Variants in PAH observed in about 807,000 individuals in gnomAD.
PAH encodes the protein phenylalanine hydroxylase.
PAH carries 64 observed loss-of-function variants against 62.0 expected under a neutral mutation model. The ratio of observed to expected loss-of-function variants is 1.03; its 90% CI spans 0.84 to 1.27. The LOEUF (loss-of-function observed/expected upper bound fraction) is 1.27. PAH is among the 50% of genes most tolerant of loss of function. The pLI is 0.00. For missense variants in PAH, 579 were observed against 542.8 expected (o/e 1.07, Z -0.66); for synonymous variants, 195 against 196.2 (o/e 0.99, Z 0.05).
At chr12:102,922,101 T>G (rs984302699), upstream of PAH, among the ~76,000 whole-genome samples, 1 of 152,152 alleles carries the variant, frequency 6.6e-6, no homozygotes, top group Non-Finnish European at 1.5e-5. Flanking sequence ...CTAGAGATCT[T>G]TAAGCAAATA....
At chr12:102,897,802 G>T (rs186505337) in intron 2 of PAH, among the ~76,000 whole-genome samples, 1 of 152,220 alleles carries the variant, frequency 6.6e-6, no homozygotes, top group African/African-American at 2.4e-5. Flanking sequence ...TAAATAAGAA[G>T]CACAAGGTGG....
intron 1 of PAH, among the ~76,000 whole-genome samples, chr12:102,928,291 T>G (rs1158512531): frequency 1.3e-5 from 2 of 152,232 alleles, no homozygotes; most frequent in East Asian, 3.8e-4. Flanking sequence ...TTATCCTTTC[T>G]TTGTGTTACA....
At chr12:102,915,329 C>T (rs1157040162) in intron 1 of PAH, 1 of 152,308 alleles carries the variant, frequency 6.6e-6, no homozygotes, top group Admixed American at 6.5e-5. Flanking sequence ...TAGTGCTCAT[C>T]TAGTTAAACT....
At chr12:102,902,291 C>G (rs983128142) in intron 2 of PAH, among the ~76,000 whole-genome samples, 3 of 152,120 alleles carry the variant, frequency 2.0e-5, no homozygotes, top group Non-Finnish European at 4.4e-5. Flanking sequence ...AGAGAAGTTA[C>G]CAGGAATAGA....
chr12:102,917,044 T>G, intron 1 of PAH, 27 bp downstream of exon 1: 1 of 1,611,622 alleles, frequency 6.2e-7, no homozygotes, highest in Non-Finnish European at 8.5e-7. Flanking sequence ...TTCCCCTAAC[T>G]GAGCAGCTCA....
At chr12:102,848,805 A>T (rs1312594568) in intron 8 of PAH, among the ~76,000 whole-genome samples, 2 of 151,110 alleles carry the variant, frequency 1.3e-5, no homozygotes, top group Non-Finnish European at 2.9e-5. Flanking sequence ...ACACCAGGAG[A>T]CTGGAGAGGC....
intron 3 of PAH, among the ~76,000 whole-genome samples, chr12:102,880,834 G>A (rs1434622477): frequency 6.6e-6 from 1 of 152,016 alleles, no homozygotes; most frequent in African/African-American, 2.4e-5. Context: ...TAAGGAAATG[G>A]AAAGTGATGG....
chr12:102,881,993 G>A (rs1876829656), intron 3 of PAH, among the ~76,000 whole-genome samples: 1 of 152,134 alleles, frequency 6.6e-6, no homozygotes, highest in African/African-American at 2.4e-5. Flanking sequence ...GAGATTTCTG[G>A]AAAGTATGGT....
intron 2 of PAH, among the ~76,000 whole-genome samples, chr12:102,897,492 T>TATATATATATATATATATA (rs1379613102): frequency 1.5e-5 from 2 of 137,462 alleles, no homozygotes; most frequent in African/African-American, 6.4e-5. Context: ...TATATATATA[T>TATATATATATATATATATA]AATTCAAACT....
At chr12:102,956,979 C>T (rs1380560187) in intron 1 of PAH, among the ~76,000 whole-genome samples, 2 of 152,196 alleles carry the variant, frequency 1.3e-5, no homozygotes, top group Non-Finnish European at 1.5e-5. Flanking sequence ...AGCCACAGAG[C>T]ATTGAGAGGA....
At chr12:102,946,732 T>C (rs1879511317) in intron 1 of PAH, 1 of 152,256 alleles carries the variant, frequency 6.6e-6, no homozygotes, top group African/African-American at 2.4e-5. Flanking sequence ...TAGCGTACTG[T>C]GATGGCTTAC....
intron 6 of PAH, 55 bp from the exon 7 acceptor site, chr12:102,853,005 A>G (rs1242709827): frequency 6.2e-7 from 1 of 1,600,268 alleles, no homozygotes; most frequent in Admixed American, 1.7e-5. Context: ...AGTCAGAGGC[A>G]CTAGGAGACC....
chr12:102,873,735 A>G (rs1876453930), intron 4 of PAH, among the ~76,000 whole-genome samples: 1 of 152,168 alleles, frequency 6.6e-6, no homozygotes. Context: ...ACCACTCACG[A>G]TAAGATAATG....
intron 3 of PAH, among the ~76,000 whole-genome samples, chr12:102,883,575 T>TCAA (rs1402885694): frequency 2.0e-5 from 3 of 152,178 alleles, no homozygotes; most frequent in African/African-American, 7.2e-5. Context: ...CTCAGAGGAT[T>TCAA]CAAGTCTTTG....
chr12:102,931,618 C>T (rs1878878611), intron 1 of PAH, among the ~76,000 whole-genome samples: 1 of 152,198 alleles, frequency 6.6e-6, no homozygotes, highest in African/African-American at 2.4e-5. Flanking sequence ...TGCAAGCTCT[C>T]CTTTCATTGC....
intron 5 of PAH, among the ~76,000 whole-genome samples, chr12:102,860,411 A>G (rs978205742): frequency 6.6e-6 from 1 of 152,238 alleles, no homozygotes; most frequent in Non-Finnish European, 1.5e-5. Flanking sequence ...CATACTGCCC[A>G]AGGTAATTTA....
rs1309333955 is a variant in PAH at position 102,957,565 on chromosome 12, G to A, written c.-96+630C>T. ...AGAGGTAAGAGGAGGGGGGGGAGTG[G>A]GGGCTGCAGCCGCTCGCTGCAGCAG... On this transcript the variant is annotated intron_variant, in intron 1 of 4. Transcript: ENST00000551337. This position sits in a 1 kb window ranked among gnomAD's most constrained non-coding sequence, Gnocchi z 4.1. The A allele has an allele frequency of 6.7e-6, 1 of 149,456 alleles. No homozygotes were observed. The highest frequency in any genetic ancestry group is 1.5e-5 in the Non-Finnish European group (1 of 67,028). 9.3% of individuals were successfully genotyped at this position (149,456 alleles called of 1,614,324 possible).
exon 1 of PAH, chr12:102,958,357 C>G: frequency 1.4e-6 from 2 of 1,428,568 alleles, no homozygotes; most frequent in Non-Finnish European, 1.8e-6. Flanking sequence ...GCCGCAGCCG[C>G]GGCGGCCGCA....
chr12:102,839,068 C>G lies in PAH; in HGVS notation c.*107G>C. The G allele has an allele frequency of 1.1e-6, 1 of 923,638 alleles. No homozygotes were observed. Among genetic ancestry groups the G allele is most frequent in the Non-Finnish European group, 1.8e-6 (1 of 562,982 alleles). 57.2% of individuals were successfully genotyped at this position (923,638 alleles called of 1,614,324 possible). On this transcript the variant is annotated 3_prime_UTR_variant, in exon 13 of 13. Transcript: ENST00000553106. ...TCTCCATCTTGTAAAGGATTTAAGG[C>G]TGTTATTTCAAATTAAGGTTTGCTT...
Sources: gnomAD v4.1 joint callset for allele counts (sites outside exome capture counted in the v4.1 genomes callset) on GRCh38, gnomAD v4.1.1 for gene constraint, Gnocchi (gnomAD v3.1) non-coding constraint, MANE v1.5 for transcripts, NCBI Gene and HGNC (gene_info 2026-07-23, HGNC 2026-07-21) for gene names.